Variants in HMCN1 observed in about 807,000 individuals in gnomAD.
HMCN1 encodes hemicentin 1.
HMCN1 carries 321 observed loss-of-function variants against 625.9 expected under a neutral mutation model. That is an observed-to-expected ratio of 0.51 (90% CI 0.47 to 0.56). The LOEUF (loss-of-function observed/expected upper bound fraction) is 0.56. Among genes scored for constraint, HMCN1 ranks in the 20% least tolerant of loss-of-function variants. HMCN1 has a pLI of 0.00. For missense variants in HMCN1, 6,588 were observed against 6,887.3 expected, an observed-to-expected ratio of 0.96 and a Z score of 1.54; for synonymous variants, 2,425 against 2,417.6, an observed-to-expected ratio of 1.00 and a Z score of -0.09.
chr1:185,832,957 T>A (rs1416358974), intron 1 of HMCN1, among the ~76,000 whole-genome samples: 2 of 152,228 alleles, frequency 1.3e-5, no homozygotes, highest in African/African-American at 4.8e-5. Context: ...ACATTCATTT[T>A]ATACAAGAGA....
chr1:186,044,836 A>T (rs969045673), intron 40 of HMCN1, among the ~76,000 whole-genome samples: 1 of 152,142 alleles, frequency 6.6e-6, no homozygotes, highest in Non-Finnish European at 1.5e-5. Flanking sequence ...GAAGTTATGG[A>T]GCCCACCCTC....
intron 11 of HMCN1, among the ~76,000 whole-genome samples, chr1:185,950,215 TCAA>T (rs1668573488): frequency 6.6e-6 from 1 of 151,064 alleles, no homozygotes; most frequent in African/African-American, 2.5e-5. Flanking sequence ...TGTGGGAGAC[TCAA>T]CAAAGAGTGA....
At chr1:186,032,565 G>A (rs920276703) in intron 36 of HMCN1, among the ~76,000 whole-genome samples, 54 of 152,066 alleles carry the variant, frequency 3.6e-4, no homozygotes, top group African/African-American at 1.2e-3. Context: ...GCTCCTTGCT[G>A]CTACTATGTG....
intron 1 of HMCN1, among the ~76,000 whole-genome samples, chr1:185,753,243 G>A (rs1654931246): frequency 6.6e-6 from 1 of 151,946 alleles, no homozygotes; most frequent in South Asian, 2.1e-4. Flanking sequence ...TTAAACTAAA[G>A]TTTTTCCCTT....
chr1:186,136,979 G>C, intron 87 of HMCN1, 42 bp downstream of exon 87: 1 of 1,604,478 alleles, frequency 6.2e-7, no homozygotes, highest in Non-Finnish European at 8.5e-7. Context: ...ACAGTACCTG[G>C]GGTGACTCAA....
At chr1:186,076,235 A>G (rs1198228744) in intron 53 of HMCN1, among the ~76,000 whole-genome samples, 193 bp from the exon 54 acceptor site, 2 of 152,078 alleles carry the variant, frequency 1.3e-5, no homozygotes, top group African/African-American at 4.8e-5. Context: ...TTGTTCTTCC[A>G]CTTGACAACC....
In HMCN1 at chr1:186,145,538, C is replaced by T; in HGVS notation, c.14402C>T (p.Ser4801Phe). 6.2e-7 allele frequency: 1 copy of T among 1,614,058 alleles called. No individual in the cohort carries two copies. The highest frequency in any genetic ancestry group is 8.5e-7 in the Non-Finnish European group (1 of 1,179,988). Residue 4801 changes from serine (S) to phenylalanine (F), a missense_variant, in exon 92 of 107, where the codon TCC (serine) becomes TTC (phenylalanine). Physicochemically the swap from Ser to Phe is radical, Grantham distance 155. Transcript: ENST00000271588. Reference protein sequence around the residue: ...NGGRACGGPDSQIQRCNTDMC... With the variant: ...NGGRACGGPDFQIQRCNTDMC... The stretch of plus-strand genomic sequence containing the variant: ...GGAAGAGCTTGTGGGGGACCAGACT[C>T]CCAGATCCAGAGGTGCAACACTGAC...
chr1:185,854,858 T>C (rs1443874027), intron 2 of HMCN1, among the ~76,000 whole-genome samples: 1 of 152,200 alleles, frequency 6.6e-6, no homozygotes, highest in Non-Finnish European at 1.5e-5. Flanking sequence ...ACACAAGCAG[T>C]ATAAATATAT....
chr1:186,009,029 A>C (rs1653819484), intron 30 of HMCN1, among the ~76,000 whole-genome samples: 1 of 152,200 alleles, frequency 6.6e-6, no homozygotes, highest in Admixed American at 6.5e-5. Context: ...TCTCTAAAAA[A>C]GAATAACATT....
chr1:186,055,150 G>A (rs1453968408), intron 44 of HMCN1, among the ~76,000 whole-genome samples: 1 of 152,028 alleles, frequency 6.6e-6, no homozygotes, highest in Non-Finnish European at 1.5e-5. Context: ...TGGGAAGTTA[G>A]TGAACACAGC....
chr1:185,762,910 T>G (rs1655605714), intron 1 of HMCN1, among the ~76,000 whole-genome samples: 1 of 152,212 alleles, frequency 6.6e-6, no homozygotes, highest in Admixed American at 6.5e-5. Context: ...GTCCATGTCC[T>G]TCTTGTCTTC....
chr1:185,899,075 A>T (rs1221407391), intron 4 of HMCN1, among the ~76,000 whole-genome samples: 1 of 152,126 alleles, frequency 6.6e-6, no homozygotes, highest in Non-Finnish European at 1.5e-5. Flanking sequence ...ATGTGTTTAC[A>T]GAGTTACAAA....
chr1:186,189,731 G>T lies in HMCN1; in HGVS notation c.16761G>T (p.Leu5587=). ...TVPFALRDEN[L]KGVVYTTRPL... is the part of the protein sequence containing the mutation. ...CTTTTGCCTTGAGGGATGAAAACCT[G>T]AAAGGAGTGGTGTATACAACACGAC... Residue 5587 remains leucine, a synonymous_variant, in exon 107 of 107, where the codon CTG becomes CTT. Transcript: ENST00000271588. 6.2e-7 allele frequency: 1 copy of T among 1,613,612 alleles called. No homozygotes were observed. The highest frequency in any genetic ancestry group is 8.5e-7 in the Non-Finnish European group (1 of 1,179,696).
At chr1:186,124,206 G>A (rs926903087) in intron 81 of HMCN1, among the ~76,000 whole-genome samples, 1 of 151,982 alleles carries the variant, frequency 6.6e-6, no homozygotes, top group Admixed American at 6.6e-5. Context: ...TACCCACCAT[G>A]CAACAAAGCT....
chr1:185,985,527 C>T (rs1651949306), intron 19 of HMCN1, among the ~76,000 whole-genome samples: 1 of 151,626 alleles, frequency 6.6e-6, no homozygotes. Flanking sequence ...ATCAGAGGGG[C>T]GAGGATACAG....
At position 186,120,095 on chromosome 1, in the gene HMCN1, C is replaced by T; in HGVS notation, c.12179C>T (p.Ala4060Val). The change falls in exon 80 of 107, where the codon GCC becomes GTC. Residue 4060 changes from alanine to valine, a missense_variant. By Grantham distance (64) the Ala-to-Val change is moderately conservative (BLOSUM62 0). This residue lies in a region of HMCN1 where 1,954 missense variants were observed against 2,013.1 expected (regional missense o/e 0.97). Transcript: ENST00000271588. ...REDAGTYMCVAQNPAGTALGK... is the reference protein window; with the variant it reads ...REDAGTYMCVVQNPAGTALGK... ...GATGCTGGCACTTACATGTGTGTGG[C>T]CCAGAACCCGGCTGGTACAGCCTTG... The T allele has an allele frequency of 6.2e-7, 1 of 1,614,008 alleles. No homozygotes were observed. The highest frequency in any genetic ancestry group is 8.5e-7 in the Non-Finnish European group (1 of 1,179,960).
intron 89 of HMCN1, among the ~76,000 whole-genome samples, chr1:186,142,194 C>T (rs1486117907): frequency 6.6e-6 from 1 of 152,072 alleles, no homozygotes; most frequent in African/African-American, 2.4e-5. Flanking sequence ...TTTGTTGTTC[C>T]CCTCTTTCTG....
At chr1:186,138,662 G>C (rs2102539007) in intron 89 of HMCN1, among the ~76,000 whole-genome samples, 1 of 152,264 alleles carries the variant, frequency 6.6e-6, no homozygotes, top group East Asian at 1.9e-4. Context: ...CTGGCTCACA[G>C]GGGCCTTATA....
At position 185,851,202 on chromosome 1, in the gene HMCN1, C is replaced by T. The variant is rs187003382; in HGVS notation, c.339+5106C>T. Among the ~76,000 whole-genome samples, 115 of 152,088 alleles carry T rather than the reference C, an allele frequency of 7.6e-4. 1 individual carries two copies. The highest frequency in any genetic ancestry group is 4.1e-4 in the South Asian group (2 of 4,826). On this transcript the variant is annotated intron_variant, in intron 2 of 106. Transcript: ENST00000271588. ...CCTTTCTGCCATTTTTAGTAACTCC[C>T]ACAAAATCACTGATATCAAAAGAAG... is the stretch of plus-strand genomic sequence containing the variant.
Sources: allele counts gnomAD v4.1 joint callset (sites outside exome capture counted in the v4.1 genomes callset), GRCh38; gene constraint gnomAD v4.1.1; regional missense constraint gnomAD v4.1.1; transcripts MANE v1.5; gene names NCBI Gene and HGNC (gene_info 2026-07-23, HGNC 2026-07-21).